The following ADGRL3 variants were observed in gnomAD, a reference collection of about 807,000 sequenced individuals.
The protein encoded by ADGRL3 is calcium-independent alpha-latrotoxin receptor 3.
In ADGRL3, 62 loss-of-function variants were observed where a neutral mutation model predicts 153.5. The observed-to-expected ratio is 0.40, with a 90% CI of 0.33 to 0.50. ADGRL3 has a LOEUF of 0.50. Ranked by LOEUF, ADGRL3 falls within the 20% of genes least tolerant of loss-of-function variation. The probability of loss-of-function intolerance (pLI) is 0.47; values close to 1 mark genes in which losing one functional copy is unlikely to be tolerated. For synonymous variants in ADGRL3, 710 were observed against 672.5 expected, an observed-to-expected ratio of 1.06 and a Z score of -0.86; for missense variants, 1,641 against 1,859.4, an observed-to-expected ratio of 0.88 and a Z score of 2.16.
intron 1 of ADGRL3, among the ~76,000 whole-genome samples, chr4:61,371,105 A>T (rs1185922974): frequency 4.0e-5 from 6 of 148,696 alleles, no homozygotes; most frequent in Admixed American, 4.0e-4. Flanking sequence ...CCATCCTTTT[A>T]TTTTGAGCCT....
intron 2 of ADGRL3, among the ~76,000 whole-genome samples, chr4:61,485,393 T>C (rs528136078): frequency 1.3e-5 from 2 of 152,350 alleles, no homozygotes; most frequent in South Asian, 4.1e-4. Context: ...ATTTTTCTGC[T>C]ATAGATGTAT....
intron 2 of ADGRL3, among the ~76,000 whole-genome samples, chr4:61,419,593 C>G (rs577800495): frequency 6.6e-6 from 1 of 152,154 alleles, no homozygotes; most frequent in Non-Finnish European, 1.5e-5. Flanking sequence ...CCCACACAGA[C>G]TCCACATGCA....
chr4:61,322,533 G>A (rs1210080765), intron 1 of ADGRL3, among the ~76,000 whole-genome samples: 1 of 152,154 alleles, frequency 6.6e-6, no homozygotes, highest in Non-Finnish European at 1.5e-5. Flanking sequence ...AGATGCAATG[G>A]GAATACAGGC....
chr4:61,985,668 T>C (rs2099082634), intron 19 of ADGRL3, among the ~76,000 whole-genome samples: 1 of 152,186 alleles, frequency 6.6e-6, no homozygotes, highest in Admixed American at 6.5e-5. Context: ...GCCAGAATTA[T>C]TGGGAGCATA....
intron 8 of ADGRL3, among the ~76,000 whole-genome samples, chr4:61,763,930 G>C (rs1470253034): frequency 6.6e-6 from 1 of 152,072 alleles, no homozygotes; most frequent in African/African-American, 2.4e-5. Context: ...AAAAATGTAT[G>C]CTCATATTAT....
At chr4:61,971,722 G>T (rs1229418152) in intron 17 of ADGRL3, among the ~76,000 whole-genome samples, 5 of 152,116 alleles carry the variant, frequency 3.3e-5, no homozygotes. Context: ...AGATCCCTGA[G>T]GAATTGCCAC....
intron 5 of ADGRL3, among the ~76,000 whole-genome samples, chr4:61,674,233 A>G (rs1027863526): frequency 1.3e-5 from 2 of 151,570 alleles, no homozygotes; most frequent in East Asian, 1.9e-4. Flanking sequence ...AATCTAATCT[A>G]TATAAACATA....
intron 1 of ADGRL3, among the ~76,000 whole-genome samples, chr4:61,361,133 C>T (rs1316893466): frequency 6.6e-6 from 1 of 152,180 alleles, no homozygotes; most frequent in East Asian, 1.9e-4. Flanking sequence ...GATGAGCATG[C>T]TATCAGCTGC....
At chr4:61,720,094 T>C (rs996574146) in intron 6 of ADGRL3, among the ~76,000 whole-genome samples, 1 of 151,590 alleles carries the variant, frequency 6.6e-6, no homozygotes, top group Non-Finnish European at 1.5e-5. Flanking sequence ...TGATACTTTT[T>C]TTTTTTTTTT....
intron 9 of ADGRL3, among the ~76,000 whole-genome samples, chr4:61,878,909 G>A (rs1360128683): frequency 6.6e-6 from 1 of 151,912 alleles, no homozygotes; most frequent in African/African-American, 2.4e-5. Flanking sequence ...AAATTCTATG[G>A]GCCATCTACA....
At chr4:61,220,884 T>G (rs1421408369) in intron 1 of ADGRL3, among the ~76,000 whole-genome samples, 1 of 152,208 alleles carries the variant, frequency 6.6e-6, no homozygotes, top group African/African-American at 2.4e-5. Context: ...TATTACTTAT[T>G]TCTAATACTG....
intron 1 of ADGRL3, among the ~76,000 whole-genome samples, chr4:61,309,387 A>AC (rs1294700414): frequency 1.3e-5 from 2 of 151,998 alleles, no homozygotes; most frequent in Non-Finnish European, 2.9e-5. Context: ...CAGCTTAGTA[A>AC]CCCCTGGAGT....
chr4:61,472,910 T>G (rs1326805532), intron 2 of ADGRL3, among the ~76,000 whole-genome samples: 2 of 152,138 alleles, frequency 1.3e-5, no homozygotes, highest in Non-Finnish European at 2.9e-5. Flanking sequence ...TTGTTATTAT[T>G]TGGTACATTT....
At chr4:61,535,357 A>G (rs1177992212) in intron 4 of ADGRL3, among the ~76,000 whole-genome samples, 1 of 151,798 alleles carries the variant, frequency 6.6e-6, no homozygotes, top group Non-Finnish European at 1.5e-5. Context: ...TTTGTTGAGG[A>G]TTTTTGCATC....
intron 2 of ADGRL3, among the ~76,000 whole-genome samples, chr4:61,482,203 CAT>C (rs2098138413): frequency 6.6e-6 from 1 of 152,160 alleles, no homozygotes; most frequent in African/African-American, 2.4e-5. Flanking sequence ...AAAATTGGCA[CAT>C]GTGTACTTAC....
intron 4 of ADGRL3, among the ~76,000 whole-genome samples, chr4:61,562,905 A>G (rs1211101203): frequency 6.8e-6 from 1 of 147,600 alleles, no homozygotes; most frequent in South Asian, 2.1e-4. Flanking sequence ...TGATTGCACC[A>G]TTGCACTCCA....
chr4:61,365,210 T>G (rs2096373161), intron 1 of ADGRL3, among the ~76,000 whole-genome samples: 1 of 151,578 alleles, frequency 6.6e-6, no homozygotes, highest in Non-Finnish European at 1.5e-5. Flanking sequence ...ATGAAATCAT[T>G]GTTACTGAGT....
chr4:62,028,600 G>A (rs1196759687), intron 21 of ADGRL3, among the ~76,000 whole-genome samples: 4 of 151,702 alleles, frequency 2.6e-5, no homozygotes, highest in South Asian at 4.1e-4. Context: ...CAAGTAATAT[G>A]AGCACATGAT....
intron 6 of ADGRL3, among the ~76,000 whole-genome samples, chr4:61,716,421 T>A (rs939380283): frequency 1.3e-5 from 2 of 152,084 alleles, no homozygotes; most frequent in African/African-American, 2.4e-5. Context: ...CTTCTTGAAG[T>A]TTGCAAGATA....
Sources: allele counts gnomAD v4.1 joint callset (sites outside exome capture counted in the v4.1 genomes callset), GRCh38; gene constraint gnomAD v4.1.1; transcripts MANE v1.5; gene names NCBI Gene and HGNC (gene_info 2026-07-23, HGNC 2026-07-21).